Variants in ZNF566 observed in about 807,000 individuals in gnomAD.
The protein encoded by ZNF566 is zinc finger protein 566.
In ZNF566, 27 loss-of-function variants were observed where a neutral mutation model predicts 32.8. The ratio of observed to expected loss-of-function variants is 0.82; its 90% CI spans 0.61 to 1.14. The LOEUF is 1.14. Among genes scored for constraint, ZNF566 ranks in the 50% most tolerant of loss-of-function variants. The pLI is 0.00. For missense variants in ZNF566, 402 were observed against 490.4 expected (o/e 0.82, Z 1.70); for synonymous variants, 154 against 159.5 (o/e 0.97, Z 0.26).
At chr19:36,482,548 T>C (rs1042779596) in intron 1 of ZNF566, among the ~76,000 whole-genome samples, 2 of 151,610 alleles carry the variant, frequency 1.3e-5, no homozygotes, top group African/African-American at 4.8e-5. Flanking sequence ...AGAAAAGAAC[T>C]AAATTGAGTA....
intron 4 of ZNF566, among the ~76,000 whole-genome samples, chr19:36,470,609 T>C (rs1409493561): frequency 6.6e-6 from 1 of 152,100 alleles, no homozygotes; most frequent in Admixed American, 6.6e-5. Flanking sequence ...GAAATCTTTT[T>C]AAAATATATG....
chr19:36,458,156 C>G (rs1030100622), intron 4 of ZNF566, among the ~76,000 whole-genome samples: 2 of 152,026 alleles, frequency 1.3e-5, no homozygotes. Flanking sequence ...TTCTTATGTT[C>G]ATTGCAGCAT....
rs10410711 is a variant in ZNF566 at position 36,449,796 on chromosome 19, A to G, written c.438T>C (p.His146=). 0.028 allele frequency: 45,260 copies of G among 1,614,094 alleles called. 981 individuals carry two copies. The highest frequency in any genetic ancestry group is 0.14 in the East Asian group (6,116 of 44,860). The change falls in exon 5 of 5, where the codon CAT becomes CAC. Residue 146 remains histidine (H), a synonymous_variant. Transcript: ENST00000452939. ...GGTGACTCAAAGTGGGCAGATCTTC[A>G]TGAGTGAATACCAATTGATTGAAAT... is the stretch of plus-strand genomic sequence containing the variant. ...GGHFNQLVFT[H]EDLPTLSHHP...
intron 4 of ZNF566, among the ~76,000 whole-genome samples, chr19:36,471,230 A>T (rs191544023): frequency 0.011 from 1,665 of 151,872 alleles, 16 homozygotes; most frequent in Admixed American, 0.014. Context: ...AAAAAAAAAA[A>T]AATAATGAGT....
At chr19:36,453,886 C>A (rs544655191) in intron 4 of ZNF566, among the ~76,000 whole-genome samples, 20 of 152,164 alleles carry the variant, frequency 1.3e-4, no homozygotes, top group African/African-American at 4.6e-4. Flanking sequence ...TGCGGTGGCA[C>A]AATCTCGGTT....
At chr19:36,483,257 A>G (rs1321299209) in intron 1 of ZNF566, among the ~76,000 whole-genome samples, 7 of 152,234 alleles carry the variant, frequency 4.6e-5, no homozygotes, top group Non-Finnish European at 1.0e-4. Flanking sequence ...TGTTTTTAAC[A>G]TATAAACAAA....
intron 1 of ZNF566, among the ~76,000 whole-genome samples, chr19:36,482,123 T>A (rs1241456012): frequency 1.3e-5 from 2 of 152,192 alleles, no homozygotes; most frequent in African/African-American, 4.8e-5. Flanking sequence ...TTATTTATTT[T>A]GAGACGGAGT....
intron 1 of ZNF566, among the ~76,000 whole-genome samples, chr19:36,485,283 A>AG (rs1384987839): frequency 6.6e-6 from 1 of 150,566 alleles, no homozygotes; most frequent in Non-Finnish European, 1.5e-5. Context: ...AAAAAAAAAA[A>AG]AAAAAGAAAA....
At chr19:36,463,653 A>T (rs1463294444) in intron 4 of ZNF566, among the ~76,000 whole-genome samples, 1 of 145,592 alleles carries the variant, frequency 6.9e-6, no homozygotes, top group African/African-American at 2.5e-5. Flanking sequence ...AGTGATGCTC[A>T]TGCCTCGGAC....
intron 1 of ZNF566, among the ~76,000 whole-genome samples, chr19:36,488,580 C>T (rs1210561658): frequency 6.6e-6 from 1 of 152,082 alleles, no homozygotes; most frequent in Admixed American, 6.6e-5. Flanking sequence ...AGCATGTGTA[C>T]CCCATGTGAA....
chr19:36,461,348 A>C (rs949467486), intron 4 of ZNF566, among the ~76,000 whole-genome samples: 1 of 152,158 alleles, frequency 6.6e-6, no homozygotes, highest in Non-Finnish European at 1.5e-5. Flanking sequence ...GTTTCTTTGA[A>C]CTTCAGAAAT....
In ZNF566 at chr19:36,489,525, A is replaced by T. The variant is rs959090547; in HGVS notation, c.-99T>A. Reference sequence around the variant, plus strand: ...GCAGAACCCTCCCCGGCACTGGGGTAGTTGCTGGTAAAGCCCTGAGGGTCC... The same window carrying T: ...GCAGAACCCTCCCCGGCACTGGGGTTGTTGCTGGTAAAGCCCTGAGGGTCC... On this transcript the variant is annotated 5_prime_UTR_variant, in exon 1 of 5. Coordinates refer to ENST00000452939, the MANE Select transcript of ZNF566 (RefSeq NM_001145344.1). 6.3e-5 allele frequency: 22 copies of T among 348,836 alleles called. No homozygotes were observed. Among genetic ancestry groups the T allele is most frequent in the African/African-American group, 4.7e-4 (22 of 46,518 alleles). 21.6% of individuals were successfully genotyped at this position (348,836 alleles called of 1,614,324 possible).
intron 4 of ZNF566, among the ~76,000 whole-genome samples, chr19:36,461,181 A>G (rs1181799180): frequency 6.6e-6 from 1 of 152,202 alleles, no homozygotes; most frequent in African/African-American, 2.4e-5. Flanking sequence ...CAGCTCTCCA[A>G]GGAAAACTAG....
At position 36,445,489 on chromosome 19, in the gene ZNF566, C is replaced by A. The variant is rs192969877; in HGVS notation, c.*3488G>T. The A allele has an allele frequency of 1.3e-5, 2 of 152,294 alleles. No individual in the cohort carries two copies. The highest frequency in any genetic ancestry group is 6.5e-5 in the Admixed American group (1 of 15,290). The allele number at this position is 152,294 out of a possible 1,614,324, so 9.4% of individuals were successfully genotyped here. Reference sequence around the variant, plus strand: ...CCTTTATTCTCTTGCCCTCTGAAATCTTCCAGAAGCAAAACCTTCCTAGGA... The same window carrying A: ...CCTTTATTCTCTTGCCCTCTGAAATATTCCAGAAGCAAAACCTTCCTAGGA... On this transcript the variant is annotated 3_prime_UTR_variant, in exon 5 of 5. Coordinates refer to ENST00000452939, the MANE Select transcript of ZNF566 (RefSeq NM_001145344.1).
chr19:36,464,165 A>G (rs2033554319), intron 4 of ZNF566, among the ~76,000 whole-genome samples: 1 of 152,234 alleles, frequency 6.6e-6, no homozygotes, highest in South Asian at 2.1e-4. Context: ...GTGTCCTATC[A>G]GAAATCAAGA....
At chr19:36,477,526 G>GTTTTTTTTTTTTTTTTTTTTTTT (rs767741591) in intron 1 of ZNF566, among the ~76,000 whole-genome samples, 3 of 107,002 alleles carry the variant, frequency 2.8e-5, no homozygotes, top group African/African-American at 3.8e-5. Flanking sequence ...TTCTGTTTCT[G>GTTTTTTTTTTTTTTTTTTTTTTT]TTTTTTTTTT....
intron 4 of ZNF566, among the ~76,000 whole-genome samples, chr19:36,466,753 T>C (rs1378157463): frequency 6.6e-6 from 1 of 152,000 alleles, no homozygotes; most frequent in African/African-American, 2.4e-5. Context: ...GCAGAACATA[T>C]AAAGAACTCT....
In ZNF566 at chr19:36,445,591, G is replaced by C. The variant is rs912991849; in HGVS notation, c.*3386C>G. 2 of 152,188 alleles carry C rather than the reference G, an allele frequency of 1.3e-5. No individual in the cohort carries two copies. The highest frequency in any genetic ancestry group is 4.1e-4 in the South Asian group (2 of 4,826). 9.4% of individuals were successfully genotyped at this position (152,188 alleles called of 1,614,324 possible). On this transcript the variant is annotated 3_prime_UTR_variant, in exon 5 of 5. Coordinates refer to ENST00000452939, the MANE Select transcript of ZNF566 (RefSeq NM_001145344.1). ...TGCCAGCACTTTGGGAGGCCGAGGA[G>C]GGTGGATCACCTGAGGTCAGGAGTT...
intron 2 of ZNF566, 24 bp from the exon 3 acceptor site, chr19:36,473,482 A>ATCAT (rs762567555): frequency 6.6e-7 from 1 of 1,519,572 alleles, no homozygotes; most frequent in Non-Finnish European, 8.8e-7. Flanking sequence ...CACGTATATG[A>ATCAT]CTTCATTAAT....
Sources: allele counts gnomAD v4.1 joint callset (sites outside exome capture counted in the v4.1 genomes callset), GRCh38; gene constraint gnomAD v4.1.1; transcripts MANE v1.5; gene names NCBI Gene and HGNC (gene_info 2026-07-23, HGNC 2026-07-21).